Variants in ATG7 observed in about 807,000 individuals in gnomAD.
The protein encoded by ATG7 is autophagy related 7.
Under a neutral mutation model 82.4 loss-of-function variants are expected in ATG7, and 70 were observed. The ratio of observed to expected loss-of-function variants is 0.85; its 90% CI spans 0.70 to 1.04. ATG7 has a LOEUF of 1.04. ATG7 is among the 50% of genes least tolerant of loss of function. ATG7 has a pLI of 0.00. For synonymous variants in ATG7, 287 were observed against 313.0 expected (o/e 0.92, Z 0.88); for missense variants, 792 against 864.3 (o/e 0.92, Z 1.05).
intron 3 of ATG7, among the ~76,000 whole-genome samples, chr3:11,295,628 C>T (rs920331182): frequency 6.6e-6 from 1 of 152,136 alleles, no homozygotes; most frequent in African/African-American, 2.4e-5. Context: ...GTTTAAATGA[C>T]CAGTCATTTT....
intron 11 of ATG7, among the ~76,000 whole-genome samples, chr3:11,333,448 T>A (rs1301266190): frequency 4.6e-5 from 7 of 152,208 alleles, no homozygotes; most frequent in Non-Finnish European, 7.3e-5. Flanking sequence ...TATTTATTTG[T>A]TATATACTTA....
At chr3:11,561,124 G>A (rs2072951594), downstream of ATG7, among the ~76,000 whole-genome samples, 1 of 140,610 alleles carries the variant, frequency 7.1e-6, no homozygotes, top group Non-Finnish European at 1.5e-5. Context: ...GGCTCTAGGA[G>A]ACCCCCCCCC....
At chr3:11,510,381 T>TA in intron 20 of ATG7, 2 of 404,688 alleles carry the variant, frequency 4.9e-6, no homozygotes, top group Admixed American at 3.1e-5. Context: ...CTGCCCCAGT[T>TA]TAAAAAAAAA....
intron 19 of ATG7, among the ~76,000 whole-genome samples, chr3:11,387,488 G>A (rs886885256): frequency 1.3e-5 from 2 of 152,166 alleles, no homozygotes; most frequent in Non-Finnish European, 2.9e-5. Flanking sequence ...TGAGGGCTGT[G>A]TTCTCCTTAG....
intron 19 of ATG7, among the ~76,000 whole-genome samples, chr3:11,393,709 C>G (rs76094242): frequency 0.06 from 9,103 of 151,360 alleles, 295 homozygotes; most frequent in African/African-American, 0.079. Context: ...TTATCTCAGT[C>G]TCATTCGGTT....
chr3:11,349,114 G>A (rs892693479), intron 14 of ATG7, among the ~76,000 whole-genome samples: 3 of 151,968 alleles, frequency 2.0e-5, no homozygotes, highest in African/African-American at 2.4e-5. Context: ...GCTGATTGGT[G>A]TGTTTTTACA....
chr3:11,426,914 C>T lies in ATG7; in HGVS notation c.2067C>T (p.Thr689=). The T allele has an allele frequency of 1.2e-6, 2 of 1,602,222 alleles. No individual in the cohort carries two copies. The highest frequency in any genetic ancestry group is 2.3e-5 in the South Asian group (2 of 88,248). ...GTCTTACATTGCTGCATCAAGAAAC[C>T]CAAGCTGCTGAGGTAAGAACAAAAC... ...LTGLTLLHQE[T]QAAEIWDMSD... The change falls in exon 20 of 21, where the codon ACC becomes ACT. Residue 689 remains threonine (T), a synonymous_variant. Transcript: ENST00000693202.
intron 3 of ATG7, among the ~76,000 whole-genome samples, chr3:11,285,160 A>T (rs867567188): frequency 3.3e-3 from 362 of 108,940 alleles, no homozygotes; most frequent in Non-Finnish European, 5.0e-3. Context: ...TTTTTTTTTT[A>T]AAAGCCCGGC....
intron 7 of ATG7, among the ~76,000 whole-genome samples, chr3:11,309,436 C>G (rs1948286256): frequency 6.9e-6 from 1 of 145,722 alleles, no homozygotes; most frequent in African/African-American, 2.6e-5. Context: ...AGCTTGACCA[C>G]AAAATCGCTT....
At chr3:11,529,185 G>T (rs567785316) in intron 20 of ATG7, among the ~76,000 whole-genome samples, 3 of 152,286 alleles carry the variant, frequency 2.0e-5, no homozygotes, top group South Asian at 2.1e-4. Context: ...ACATCCTGGG[G>T]CACCTCCAAA....
In ATG7 at chr3:11,500,138, C is replaced by G. The variant is rs1454219831; in HGVS notation, c.2080-54673C>G. Among the ~76,000 whole-genome samples the G allele has an allele frequency of 3.3e-5, 5 of 152,224 alleles. No individual in the cohort carries two copies. In the East Asian group the frequency reaches 9.6e-4, roughly 29 times the overall value. ...TTAATTCCCTTCCAGGGCTAATGCT[C>G]TTTAATTCAATAGCAGCAACGCGCA... On this transcript the variant is annotated intron_variant, in intron 20 of 20. Coordinates refer to ENST00000693202, the MANE Select transcript of ATG7 (RefSeq NM_001349232.2).
intron 20 of ATG7, among the ~76,000 whole-genome samples, chr3:11,519,988 G>A (rs1449896561): frequency 1.3e-5 from 2 of 151,888 alleles, no homozygotes; most frequent in Non-Finnish European, 2.9e-5. Flanking sequence ...ATAGCTTTGG[G>A]GCCACCTTCA....
At chr3:11,359,523 T>G (rs1575684540) in intron 15 of ATG7, among the ~76,000 whole-genome samples, 1 of 151,952 alleles carries the variant, frequency 6.6e-6, no homozygotes, top group Admixed American at 6.6e-5. Context: ...GGTGAGACTC[T>G]CTCTCTAGAA....
intron 14 of ATG7, among the ~76,000 whole-genome samples, chr3:11,351,750 T>G (rs2075562263): frequency 6.6e-6 from 1 of 152,236 alleles, no homozygotes; most frequent in African/African-American, 2.4e-5. Context: ...AAAGTACTGG[T>G]GTAATTCATC....
At position 11,557,569 on chromosome 3, in the gene ATG7, A is replaced by G. The variant is rs1250589922; in HGVS notation, c.*2726A>G. On this transcript the variant is annotated 3_prime_UTR_variant, in exon 21 of 21. Transcript: ENST00000693202. ...CTGGCCTCCCGCACTACTTGTGAGT[A>G]AAGTGAATATCAAATACCAATCTTA... 2 of 152,614 alleles carry G rather than the reference A, an allele frequency of 1.3e-5. No individual in the cohort carries two copies. The highest frequency in any genetic ancestry group is 2.9e-5 in the Non-Finnish European group (2 of 68,046). The allele number at this position is 152,614 out of a possible 1,614,324, so 9.5% of individuals were successfully genotyped here. A position where few individuals can be genotyped will look rare whatever the true frequency, so the allele number is the denominator to read the frequency against.
chr3:11,510,202 C>T (rs1243902556), intron 20 of ATG7: 1 of 456,726 alleles, frequency 2.2e-6, no homozygotes, highest in South Asian at 1.5e-5. Flanking sequence ...TTTCTTTCAT[C>T]CGGCCCAAGA....
chr3:11,321,534 A>G (rs1170424525), intron 9 of ATG7, among the ~76,000 whole-genome samples: 1 of 152,236 alleles, frequency 6.6e-6, no homozygotes, highest in African/African-American at 2.4e-5. Context: ...AAAAGAGACT[A>G]GGGAATGGAA....
chr3:11,291,878 A>T (rs1016576910), intron 3 of ATG7, among the ~76,000 whole-genome samples: 2 of 152,222 alleles, frequency 1.3e-5, no homozygotes, highest in Admixed American at 1.3e-4. Flanking sequence ...CATGCAGAAG[A>T]TCAGGAAACT....
intron 20 of ATG7, among the ~76,000 whole-genome samples, chr3:11,478,000 C>T (rs1171703287): frequency 6.6e-6 from 1 of 152,150 alleles, no homozygotes; most frequent in Non-Finnish European, 1.5e-5. Context: ...CTGATTGCCC[C>T]TACTTGGCTC....
Sources: gnomAD v4.1 joint callset for allele counts (sites outside exome capture counted in the v4.1 genomes callset) on GRCh38, gnomAD v4.1.1 for gene constraint, MANE v1.5 for transcripts, NCBI Gene and HGNC (gene_info 2026-07-23, HGNC 2026-07-21) for gene names.